Variants in CLASP2 observed in about 807,000 individuals in gnomAD.
CLASP2 encodes the protein CLIP-associating protein 2.
A neutral mutation model predicts 194.4 loss-of-function variants in CLASP2; 47 were observed. The ratio of observed to expected loss-of-function variants is 0.24; its 90% CI spans 0.19 to 0.31. CLASP2 has a LOEUF of 0.31. Ranked by LOEUF, CLASP2 falls within the 10% of genes least tolerant of loss-of-function variation. CLASP2 has a pLI of 1.00. For synonymous variants in CLASP2, 619 were observed against 633.5 expected, an observed-to-expected ratio of 0.98 and a Z score of 0.34; for missense variants, 1,445 against 1,823.6, an observed-to-expected ratio of 0.79 and a Z score of 3.78.
At chr3:33,706,502 C>A (rs922430684) in intron 1 of CLASP2, among the ~76,000 whole-genome samples, 5 of 152,038 alleles carry the variant, frequency 3.3e-5, no homozygotes, top group African/African-American at 1.2e-4. Context: ...GGGACATATC[C>A]TACAGACAAA....
At chr3:33,566,820 C>A in intron 26 of CLASP2, 86 bp from the exon 27 acceptor site, 1 of 411,724 alleles carries the variant, frequency 2.4e-6, no homozygotes. Context: ...GCCATCAATG[C>A]AAAGTTCCTG....
intron 36 of CLASP2, among the ~76,000 whole-genome samples, chr3:33,513,000 C>A (rs2050354538): frequency 6.6e-6 from 1 of 151,604 alleles, no homozygotes; most frequent in Non-Finnish European, 1.5e-5. Context: ...AAAAACCAAC[C>A]AACCAACCAA....
intron 6 of CLASP2, among the ~76,000 whole-genome samples, chr3:33,680,043 C>A (rs2089527386): frequency 6.6e-6 from 1 of 151,974 alleles, no homozygotes; most frequent in Non-Finnish European, 1.5e-5. Context: ...GTTTTCAACC[C>A]TAAAAAGAAA....
chr3:33,672,392 T>C (rs1379636652), intron 6 of CLASP2, among the ~76,000 whole-genome samples: 7 of 152,098 alleles, frequency 4.6e-5, no homozygotes, highest in Non-Finnish European at 1.5e-5. Flanking sequence ...GTCCTGTCTG[T>C]TAGAAGGAAA....
At chr3:33,553,544 T>C (rs2060402791) in intron 29 of CLASP2, among the ~76,000 whole-genome samples, 1 of 152,130 alleles carries the variant, frequency 6.6e-6, no homozygotes, top group South Asian at 2.1e-4. Flanking sequence ...GGGCAAAGGA[T>C]CTGAATAGAC....
chr3:33,632,155 C>A, intron 9 of CLASP2, 137 bp downstream of exon 9: 1 of 503,396 alleles, frequency 2.0e-6, no homozygotes, highest in Non-Finnish European at 3.5e-6. Flanking sequence ...CAAATAATGG[C>A]TTGGTATTAA....
rs749186332 is a variant in CLASP2, at chr3:33,497,533, G to A, written c.*1098C>T. The A allele has an allele frequency of 1.3e-5, 2 of 152,584 alleles. No homozygotes were observed. The allele number at this position is 152,584 out of a possible 1,614,324, so 9.5% of individuals were successfully genotyped here. A position where few individuals can be genotyped will look rare whatever the true frequency, so the allele number is the denominator to read the frequency against. Reference sequence around the variant, plus strand: ...ACTATAGGCAGCAGCTCAGTTAAAAGTATTAGCCCTGAAGAGGTAGAGAAT... The same window carrying A: ...ACTATAGGCAGCAGCTCAGTTAAAAATATTAGCCCTGAAGAGGTAGAGAAT... On this transcript the variant is annotated 3_prime_UTR_variant, in exon 39 of 39. Coordinates refer to ENST00000682230, the MANE Select transcript of CLASP2 (RefSeq NM_001365631.1).
chr3:33,702,046 A>G (rs190189785), intron 1 of CLASP2, among the ~76,000 whole-genome samples: 69 of 152,308 alleles, frequency 4.5e-4, no homozygotes, highest in Middle Eastern at 3.4e-3. Context: ...GGCTAAGAAA[A>G]TGAAAAACCC....
chr3:33,638,601 C>T (rs1453325155), intron 8 of CLASP2, among the ~76,000 whole-genome samples: 5 of 152,110 alleles, frequency 3.3e-5, no homozygotes, highest in Non-Finnish European at 7.4e-5. Flanking sequence ...CCACCACACC[C>T]GGCCTCAATT....
chr3:33,560,930 T>G lies in CLASP2; in HGVS notation c.2808A>C (p.Gln936His). The G allele has an allele frequency of 6.2e-7, 1 of 1,613,950 alleles. No homozygotes were observed. The highest frequency in any genetic ancestry group is 1.1e-5 in the South Asian group (1 of 91,078). ...AATCTTGAAGATCATCTTTGTGGAC[T>G]TGTATGAAATCCACTAGAGTCTCCA... Reference protein sequence around the residue: ...MFLETLVDFIQVHKDDLQDWL... With the variant: ...MFLETLVDFIHVHKDDLQDWL... Residue 936 changes from glutamine to histidine, a missense_variant, in exon 28 of 39, where the codon CAA (glutamine) becomes CAC (histidine). By Grantham distance (24) the Gln-to-His change is conservative. Coordinates refer to ENST00000682230, the MANE Select transcript of CLASP2 (RefSeq NM_001365631.1).
chr3:33,582,547 T>C (rs1356387271), intron 22 of CLASP2, among the ~76,000 whole-genome samples: 1 of 152,108 alleles, frequency 6.6e-6, no homozygotes, highest in Non-Finnish European at 1.5e-5. Flanking sequence ...TAGTCCTAGC[T>C]ACTTAAGATG....
chr3:33,634,534 G>A (rs2079739990), intron 8 of CLASP2, among the ~76,000 whole-genome samples: 2 of 152,122 alleles, frequency 1.3e-5, no homozygotes, highest in South Asian at 4.1e-4. Flanking sequence ...GGTGTAGACA[G>A]AAAAGTCAAA....
chr3:33,561,629 T>A (rs114922544), intron 27 of CLASP2, among the ~76,000 whole-genome samples: 2,914 of 152,322 alleles, frequency 0.019, 54 homozygotes, highest in African/African-American at 0.045. Context: ...CATACCCATT[T>A]ATGGGTTTTT....
rs116780251 is a variant in CLASP2 at position 33,535,621 on chromosome 3, C to T, written c.3559-160G>A. 3.1e-3 allele frequency among the ~76,000 whole-genome samples: 479 copies of T among 152,266 alleles called. 2 individuals carry two copies. Among genetic ancestry groups the T allele is most frequent in the Admixed American group, 4.7e-3 (72 of 15,288 alleles). ...TAATGGCAATCAACATTATGAGTTACAATTTATATTCCAGACGTCAAAGCT... is the reference window on the plus strand; with the variant it reads ...TAATGGCAATCAACATTATGAGTTATAATTTATATTCCAGACGTCAAAGCT... On this transcript the variant is annotated intron_variant, in intron 33 of 38. Coordinates refer to ENST00000682230, the MANE Select transcript of CLASP2 (RefSeq NM_001365631.1).
intron 34 of CLASP2, 73 bp from the exon 35 acceptor site, chr3:33,517,247 A>T: frequency 8.8e-7 from 1 of 1,139,404 alleles, no homozygotes; most frequent in Non-Finnish European, 1.2e-6. Context: ...TAACAACTTT[A>T]TATGATGAAA....
At chr3:33,704,594 A>C (rs2092577527) in intron 1 of CLASP2, among the ~76,000 whole-genome samples, 1 of 152,030 alleles carries the variant, frequency 6.6e-6, no homozygotes, top group African/African-American at 2.4e-5. Context: ...TCTAATAAAA[A>C]TATAAAAAAT....
chr3:33,629,593 T>C (rs904711699), intron 9 of CLASP2, among the ~76,000 whole-genome samples: 11 of 152,190 alleles, frequency 7.2e-5, no homozygotes, highest in Middle Eastern at 3.4e-3. Flanking sequence ...GAGAAATAAC[T>C]GATCACAGAA....
chr3:33,520,412 A>T (rs2052659764), intron 34 of CLASP2, among the ~76,000 whole-genome samples: 1 of 152,266 alleles, frequency 6.6e-6, no homozygotes, highest in African/African-American at 2.4e-5. Flanking sequence ...ATTAGTACAC[A>T]GATTCCCAAA....
At chr3:33,627,984 G>A (rs188377862) in intron 9 of CLASP2, among the ~76,000 whole-genome samples, 28 of 152,218 alleles carry the variant, frequency 1.8e-4, no homozygotes, top group Admixed American at 7.9e-4. Flanking sequence ...CCAGGTGTGA[G>A]GATGGAACAG....
Sources: gnomAD v4.1 joint callset for allele counts (sites outside exome capture counted in the v4.1 genomes callset) on GRCh38, gnomAD v4.1.1 for gene constraint, MANE v1.5 for transcripts, NCBI Gene and HGNC (gene_info 2026-07-23, HGNC 2026-07-21) for gene names.